LAMA1: variants seen among roughly 807,000 people sequenced by gnomAD.
LAMA1 encodes laminin subunit alpha 1.
A neutral mutation model predicts 348.7 loss-of-function variants in LAMA1; 219 were observed. The observed-to-expected ratio is 0.63, with a 90% CI of 0.56 to 0.70. The LOEUF is 0.70. LAMA1 is among the 30% of genes least tolerant of loss of function. The pLI is 0.00. For synonymous variants in LAMA1, 1,487 were observed against 1,491.0 expected (o/e 1.00, Z 0.06); for missense variants, 3,744 against 3,888.0 (o/e 0.96, Z 0.99).
intron 33 of LAMA1, among the ~76,000 whole-genome samples, chr18:6,997,315 G>GC (rs1447229150): frequency 6.6e-6 from 1 of 152,128 alleles, no homozygotes; most frequent in Admixed American, 6.6e-5. Context: ...ACCCGCCTTG[G>GC]CCCCCCAAAG....
At chr18:6,949,068 A>T (rs575805284) in intron 59 of LAMA1, 33 bp downstream of exon 59, 1 of 1,613,866 alleles carries the variant, frequency 6.2e-7, no homozygotes, top group East Asian at 2.2e-5. Flanking sequence ...AACACAACGA[A>T]GGTAAAATGT....
chr18:6,979,759 G>C (rs11081291), intron 42 of LAMA1, among the ~76,000 whole-genome samples: 53,878 of 145,702 alleles, frequency 0.37, 10,643 homozygotes, highest in African/African-American at 0.54. Context: ...ATTAGCCGGG[G>C]ACGGTGGCGG....
intron 1 of LAMA1, among the ~76,000 whole-genome samples, chr18:7,104,048 C>T (rs913953695): frequency 6.6e-6 from 1 of 152,022 alleles, no homozygotes; most frequent in African/African-American, 2.4e-5. Flanking sequence ...GGCACCATGT[C>T]AGCTCACTGC....
rs16951235 is a variant in LAMA1, at chr18:7,090,573, A to G, written c.62-10116T>C. On this transcript the variant is annotated intron_variant, in intron 1 of 62. Coordinates refer to ENST00000389658, the MANE Select transcript of LAMA1 (RefSeq NM_005559.4). Reference sequence around the variant, plus strand: ...GTTAGTAAAAGAAAAGCTTTAAGATATTCTAGCGATTCCACCAGGCAAGGA... The same window carrying G: ...GTTAGTAAAAGAAAAGCTTTAAGATGTTCTAGCGATTCCACCAGGCAAGGA... Among the ~76,000 whole-genome samples the G allele has an allele frequency of 9.4e-3, 1,436 of 152,292 alleles. 16 individuals carry two copies. Among genetic ancestry groups the G allele is most frequent in the African/African-American group, 0.033 (1,383 of 41,552 alleles).
intron 4 of LAMA1, among the ~76,000 whole-genome samples, chr18:7,050,337 C>T (rs577296473): frequency 1.3e-5 from 2 of 152,288 alleles, no homozygotes; most frequent in South Asian, 4.1e-4. Flanking sequence ...TGCTCACCAC[C>T]TACCGAGGAG....
At chr18:6,982,226 G>A (rs1390392286) in intron 41 of LAMA1, among the ~76,000 whole-genome samples, 2 of 152,162 alleles carry the variant, frequency 1.3e-5, no homozygotes, top group Non-Finnish European at 2.9e-5. Context: ...CTAAGGCAAT[G>A]AGTGGAGGAT....
intron 8 of LAMA1, 76 bp downstream of exon 8, chr18:7,043,151 G>A: frequency 7.1e-7 from 1 of 1,409,588 alleles, no homozygotes; most frequent in Non-Finnish European, 1.0e-6. Context: ...CCAATACAGA[G>A]GTTAAGACTT....
In LAMA1 at chr18:6,971,855, A is replaced by G. The variant is rs777525593; in HGVS notation, c.6899+2T>C. On this transcript the variant is annotated splice_donor_variant, in intron 48 of 62. Transcript: ENST00000389658. LOFTEE classifies it high-confidence loss of function. ...ATGTGCTAAACCGTGACGACATCTT[A>G]CCTTCCGAAGCACCCACGGCACTTG... 1 of 1,614,072 alleles carries G rather than the reference A, an allele frequency of 6.2e-7. No homozygotes were observed. The highest frequency in any genetic ancestry group is 8.5e-7 in the Non-Finnish European group (1 of 1,179,988).
Position 6,974,867 on chromosome 18 carries a change from A to T in LAMA1, c.6623+36T>A, listed in dbSNP as rs760548340. The T allele has an allele frequency of 4.3e-6, 7 of 1,613,574 alleles. No individual in the cohort carries two copies. In the East Asian group the frequency reaches 1.3e-4, roughly 31 times the overall value. On this transcript the variant is annotated intron_variant, in intron 46 of 62. Coordinates refer to ENST00000389658, the MANE Select transcript of LAMA1 (RefSeq NM_005559.4). The stretch of plus-strand genomic sequence containing the variant: ...TAATTACTTATGAGACACACTTTAA[A>T]AAAGAGAGCTGCTTTGAGAGAACAT...
At chr18:7,071,865 G>C (rs112354297) in intron 3 of LAMA1, among the ~76,000 whole-genome samples, 135 of 152,320 alleles carry the variant, frequency 8.9e-4, no homozygotes, top group African/African-American at 2.9e-3. Context: ...CAGGAGCCAA[G>C]TCACAGGCGA....
intron 8 of LAMA1, chr18:7,042,631 T>C (rs2058025412): frequency 7.4e-6 from 2 of 271,638 alleles, no homozygotes; most frequent in African/African-American, 4.4e-5. Flanking sequence ...ACATCTGTAA[T>C]CCCAGCACTC....
At chr18:7,065,719 T>A (rs1164611405) in intron 3 of LAMA1, among the ~76,000 whole-genome samples, 1 of 152,180 alleles carries the variant, frequency 6.6e-6, no homozygotes. Flanking sequence ...AGAGTGAGAC[T>A]CTGTCTCAAA....
intron 55 of LAMA1, 199 bp from the exon 56 acceptor site, chr18:6,956,964 C>T (rs2057581869): frequency 1.6e-6 from 1 of 608,194 alleles, no homozygotes; most frequent in African/African-American, 1.8e-5. Context: ...GAAGCTTCTG[C>T]TTGCAATGGC....
At chr18:7,086,625 C>A (rs2058218628) in intron 1 of LAMA1, among the ~76,000 whole-genome samples, 1 of 151,138 alleles carries the variant, frequency 6.6e-6, no homozygotes, top group African/African-American at 2.4e-5. Flanking sequence ...AAAATAAAAA[C>A]AAAAACGGCC....
chr18:6,993,195 A>G (rs1194346233), intron 35 of LAMA1, among the ~76,000 whole-genome samples: 1 of 152,206 alleles, frequency 6.6e-6, no homozygotes, highest in Non-Finnish European at 1.5e-5. Flanking sequence ...ATATAAAAAG[A>G]AGAGCGATCA....
At chr18:7,078,139 A>ATTTATTTTTG (rs2058177467) in intron 3 of LAMA1, among the ~76,000 whole-genome samples, 1 of 140,798 alleles carries the variant, frequency 7.1e-6, no homozygotes, top group Non-Finnish European at 1.5e-5. Flanking sequence ...TTCTCTTTTT[A>ATTTATTTTTG]TTTTTTTTTG....
At position 6,992,863 on chromosome 18, in the gene LAMA1, A is replaced by G. The variant is rs1305991008; in HGVS notation, c.5009-143T>C. Reference sequence around the variant, plus strand: ...TCCATGTCAGGCCAGGCCACCTGGCATATCCCAGTGTACTCTGCACATCCC... The same window carrying G: ...TCCATGTCAGGCCAGGCCACCTGGCGTATCCCAGTGTACTCTGCACATCCC... On this transcript the variant is annotated intron_variant, in intron 35 of 62. Transcript: ENST00000389658. 1.0e-5 allele frequency: 7 copies of G among 668,752 alleles called. No individual in the cohort carries two copies. In the Admixed American group the frequency reaches 1.7e-4, roughly 16 times the overall value. 41.4% of individuals were successfully genotyped at this position (668,752 alleles called of 1,614,324 possible).
chr18:7,116,097 T>C (rs1446880406), intron 1 of LAMA1, among the ~76,000 whole-genome samples: 1 of 152,046 alleles, frequency 6.6e-6, no homozygotes, highest in African/African-American at 2.4e-5. Context: ...CCTGGGAGGT[T>C]TTCCGCAGCA....
At chr18:7,115,341 T>G (rs1347649595) in intron 1 of LAMA1, among the ~76,000 whole-genome samples, 1 of 152,188 alleles carries the variant, frequency 6.6e-6, no homozygotes, top group Admixed American at 6.5e-5. Flanking sequence ...AACCATAATT[T>G]TATGTGATTG....
Sources: gnomAD v4.1 joint callset for allele counts (sites outside exome capture counted in the v4.1 genomes callset) on GRCh38, gnomAD v4.1.1 for gene constraint, MANE v1.5 for transcripts, NCBI Gene and HGNC (gene_info 2026-07-23, HGNC 2026-07-21) for gene names.